ZNF730: variants seen among roughly 807,000 people sequenced by gnomAD.
ZNF730 encodes zinc finger protein 730, also known as putative zinc finger protein 730.
In ZNF730, 12 loss-of-function variants were observed where a neutral mutation model predicts 12.6. That is an observed-to-expected ratio of 0.95 (90% CI 0.61 to 1.54). ZNF730 has a LOEUF of 1.54. Ranked by LOEUF, ZNF730 falls within the 40% of genes most tolerant of loss-of-function variation. The probability of loss-of-function intolerance (pLI) is 0.00; values close to 1 mark genes in which losing one functional copy is unlikely to be tolerated. For missense variants in ZNF730, 643 were observed against 583.5 expected, an observed-to-expected ratio of 1.10 and a Z score of -1.05; for synonymous variants, 194 against 195.8, an observed-to-expected ratio of 0.99 and a Z score of 0.08.
At chr19:23,117,594 T>G (rs1024771719) in intron 1 of ZNF730, among the ~76,000 whole-genome samples, 1 of 152,082 alleles carries the variant, frequency 6.6e-6, no homozygotes, top group South Asian at 2.1e-4. Context: ...CACCAAAATA[T>G]TAAAGAATTT....
At chr19:23,135,594 T>A (rs543217311) in intron 2 of ZNF730, among the ~76,000 whole-genome samples, 1 of 152,272 alleles carries the variant, frequency 6.6e-6, no homozygotes, top group South Asian at 2.1e-4. Context: ...CACTGCAACC[T>A]CTGCCTCCTG....
chr19:23,126,566 G>A (rs1449135287), intron 1 of ZNF730: 1 of 425,730 alleles, frequency 2.3e-6, no homozygotes. Context: ...GGCAGAATGT[G>A]GCTTATGTGT....
chr19:23,118,365 T>TG lies in ZNF730; in HGVS notation c.3+1190dup, dbSNP rs368528220. Among the ~76,000 whole-genome samples, 262 of 128,966 alleles carry TG rather than the reference T, an allele frequency of 2.0e-3. 3 individuals are homozygous for TG. The highest frequency in any genetic ancestry group is 2.8e-3 in the Non-Finnish European group (174 of 62,014). 84.6% of individuals were successfully genotyped at this position (128,966 alleles called of 152,430 possible). A position where few individuals can be genotyped will look rare whatever the true frequency, so the allele number is the denominator to read the frequency against. On this transcript the variant is annotated intron_variant, in intron 1 of 3. Coordinates refer to ENST00000597761, the MANE Select transcript of ZNF730 (RefSeq NM_001277403.2). ...GTGTTTTGGGGTCAAGTTTGTTTTT[T>TG]GTTTTTTTTTTTTGTTTTTTTAATT...
At chr19:23,087,384 GGA>G (rs1293357998) in intron 1 of ZNF730, among the ~76,000 whole-genome samples, 1 of 151,896 alleles carries the variant, frequency 6.6e-6, no homozygotes, top group Non-Finnish European at 1.5e-5. Context: ...CTCCAGCCTG[GGA>G]GACAGAGCAA....
intron 1 of ZNF730, among the ~76,000 whole-genome samples, chr19:23,082,237 A>G (rs553509413): frequency 4.6e-5 from 7 of 152,088 alleles, no homozygotes; most frequent in African/African-American, 1.7e-4. Context: ...CCTTTTTTTC[A>G]GAGTCCTCGT....
intron 1 of ZNF730, among the ~76,000 whole-genome samples, chr19:23,132,350 G>T (rs1322152890): frequency 2.0e-5 from 3 of 152,130 alleles, no homozygotes; most frequent in African/African-American, 2.4e-5. Context: ...TGGAGTAAGG[G>T]TTGTGTCCAC....
chr19:23,112,083 C>T (rs1215374459), upstream of ZNF730, among the ~76,000 whole-genome samples: 1 of 152,136 alleles, frequency 6.6e-6, no homozygotes, highest in South Asian at 2.1e-4. Context: ...GTCTGCCTGC[C>T]ATGTACACTG....
chr19:23,111,136 A>C (rs1568308683), intron 1 of ZNF730, among the ~76,000 whole-genome samples: 1 of 151,482 alleles, frequency 6.6e-6, no homozygotes. Context: ...AAATAATCTA[A>C]ATTAAATATA....
At chr19:23,140,547 G>A (rs1970900710) in intron 3 of ZNF730, among the ~76,000 whole-genome samples, 1 of 149,964 alleles carries the variant, frequency 6.7e-6, no homozygotes, top group East Asian at 2.0e-4. Flanking sequence ...GGAGGCAGAG[G>A]TTGCAGTGAG....
rs186645524 is a variant in ZNF730 at position 23,104,273 on chromosome 19, G to A, written c.-94+28886G>A. Among the ~76,000 whole-genome samples the A allele has an allele frequency of 3.5e-5, 5 of 140,898 alleles. No individual in the cohort carries two copies. In the East Asian group the frequency reaches 1.1e-3, roughly 30 times the overall value. 92.4% of individuals were successfully genotyped at this position (140,898 alleles called of 152,430 possible). On this transcript the variant is annotated intron_variant, in intron 1 of 2. Transcript: ENST00000593635. ...GCTGAGATCACACCACTGCACTTTA[G>A]CCTGGGCGACAGAGAGAGACTCCAT...
chr19:23,117,976 TCTG>T (rs1970553544), intron 1 of ZNF730, among the ~76,000 whole-genome samples: 1 of 152,104 alleles, frequency 6.6e-6, no homozygotes, highest in Non-Finnish European at 1.5e-5. Flanking sequence ...AGACTGATCT[TCTG>T]CATTTTTTTT....
At position 23,095,220 on chromosome 19, in the gene ZNF730, T is replaced by G. The variant is rs1324925921; in HGVS notation, c.-94+19833T>G. The G allele has an allele frequency of 3.3e-5, 13 of 394,810 alleles. No homozygotes were observed. The East Asian group carries it at 4.7e-4, about 14-fold the overall frequency. The allele number at this position is 394,810 out of a possible 1,614,324, so 24.5% of individuals were successfully genotyped here. The stretch of plus-strand genomic sequence containing the variant: ...GACATAGTGACATATCACTGGGTCT[T>G]GTACCCAGGTGGTGTGAATCTTCTG... On this transcript the variant is annotated intron_variant, in intron 1 of 2. Transcript: ENST00000593635.
chr19:23,085,991 C>A (rs1244300713), intron 1 of ZNF730, among the ~76,000 whole-genome samples: 1 of 151,738 alleles, frequency 6.6e-6, no homozygotes, highest in Non-Finnish European at 1.5e-5. Flanking sequence ...ATTACAGGCG[C>A]CTGCCACCAT....
rs2145717765 is a variant in ZNF730 at position 23,146,790 on chromosome 19, A to C, written c.*234A>C. 1 of 973,670 alleles carries C rather than the reference A, an allele frequency of 1.0e-6. No homozygotes were observed. The highest frequency in any genetic ancestry group is 2.4e-5 in the East Asian group (1 of 41,880). 60.3% of individuals were successfully genotyped at this position (973,670 alleles called of 1,614,324 possible). A position where few individuals can be genotyped will look rare whatever the true frequency, so the allele number is the denominator to read the frequency against. On this transcript the variant is annotated 3_prime_UTR_variant, in exon 4 of 4. Coordinates refer to ENST00000597761, the MANE Select transcript of ZNF730 (RefSeq NM_001277403.2). ...CCTTACTACACATAAGATAATTCAT[A>C]CTGGAGAGAAACCCTACAAGTGTGA...
intron 1 of ZNF730, among the ~76,000 whole-genome samples, chr19:23,102,644 C>T (rs1302739372): frequency 1.3e-5 from 2 of 151,920 alleles, no homozygotes; most frequent in East Asian, 1.9e-4. Context: ...TACAGGTGCA[C>T]ACCACCAATC....
intron 1 of ZNF730, among the ~76,000 whole-genome samples, chr19:23,092,170 A>G (rs935617996): frequency 2.6e-5 from 4 of 152,078 alleles, no homozygotes; most frequent in Non-Finnish European, 5.9e-5. Context: ...GCTGTGATAT[A>G]AGAAGGGCCT....
At chr19:23,077,569 C>A (rs1969886734) in intron 1 of ZNF730, among the ~76,000 whole-genome samples, 1 of 151,050 alleles carries the variant, frequency 6.6e-6, no homozygotes, top group African/African-American at 2.4e-5. Flanking sequence ...TCCCGAGTAG[C>A]TGGGATTATA....
At chr19:23,105,241 T>G (rs1172308465) in intron 1 of ZNF730, among the ~76,000 whole-genome samples, 1 of 151,836 alleles carries the variant, frequency 6.6e-6, no homozygotes, top group Non-Finnish European at 1.5e-5. Context: ...CTCAGCCTCT[T>G]GGGTAGCTGG....
chr19:23,126,661 G>GTTTTTTT, intron 1 of ZNF730: 1 of 412,410 alleles, frequency 2.4e-6, no homozygotes, highest in East Asian at 6.3e-5. Context: ...AGTTCCACTA[G>GTTTTTTT]TTTTTTTTTT....
Sources: allele counts gnomAD v4.1 joint callset (sites outside exome capture counted in the v4.1 genomes callset), GRCh38; gene constraint gnomAD v4.1.1; transcripts MANE v1.5; gene names NCBI Gene and HGNC (gene_info 2026-07-23, HGNC 2026-07-21).